TRPC4: variants seen among roughly 807,000 people sequenced by gnomAD.
TRPC4 encodes the protein transient receptor potential cation channel subfamily C member 4.
A neutral mutation model predicts 99.4 loss-of-function variants in TRPC4; 49 were observed. That is an observed-to-expected ratio of 0.49 (90% CI 0.39 to 0.63). TRPC4 has a LOEUF of 0.63. Ranked by LOEUF, TRPC4 falls within the 20% of genes least tolerant of loss-of-function variation. TRPC4 has a pLI of 0.00. For missense variants in TRPC4, 898 were observed against 1,152.9 expected, an observed-to-expected ratio of 0.78 and a Z score of 3.20; for synonymous variants, 454 against 425.9, an observed-to-expected ratio of 1.07 and a Z score of -0.81.
chr13:37,807,417 T>C (rs901862581), intron 1 of TRPC4, among the ~76,000 whole-genome samples: 5 of 152,052 alleles, frequency 3.3e-5, no homozygotes, highest in African/African-American at 1.2e-4. Context: ...AGCAAAGTAA[T>C]AATAATAAAC....
intron 3 of TRPC4, among the ~76,000 whole-genome samples, chr13:37,721,319 C>T (rs1021268150): frequency 6.6e-6 from 1 of 151,924 alleles, no homozygotes; most frequent in African/African-American, 2.4e-5. Context: ...AAACACTTGT[C>T]CAGTAAGTCA....
chr13:37,846,963 G>C (rs1958923570), intron 1 of TRPC4, among the ~76,000 whole-genome samples: 1 of 151,618 alleles, frequency 6.6e-6, no homozygotes, highest in African/African-American at 2.4e-5. Context: ...AAGACAAAAA[G>C]GTTATTACAT....
At chr13:37,864,110 C>G (rs1959578807) in intron 1 of TRPC4, among the ~76,000 whole-genome samples, 1 of 151,654 alleles carries the variant, frequency 6.6e-6, no homozygotes, top group African/African-American at 2.4e-5. Flanking sequence ...ATCCCTCATG[C>G]CACCCACAAT....
chr13:37,860,643 T>C (rs1009327207), intron 1 of TRPC4, among the ~76,000 whole-genome samples: 15 of 151,444 alleles, frequency 9.9e-5, no homozygotes, highest in African/African-American at 3.4e-4. Flanking sequence ...GAAAACATAA[T>C]CTTACCACAA....
Position 37,799,795 on chromosome 13 carries a change from A to G in TRPC4, c.-27-16435T>C, listed in dbSNP as rs1167622956. Among the ~76,000 whole-genome samples, 4 of 152,216 alleles carry G rather than the reference A, an allele frequency of 2.6e-5. No homozygotes were observed. The East Asian group carries it at 7.7e-4, about 29-fold the overall frequency. On this transcript the variant is annotated intron_variant, in intron 1 of 10. Transcript: ENST00000379705. ...ATCTGAAGACTTCAGGTGATTTTAT[A>G]CTATGTAAGGATACAATACTAAATG... is the stretch of plus-strand genomic sequence containing the variant.
At chr13:37,837,270 CT>C (rs1413434253) in intron 1 of TRPC4, among the ~76,000 whole-genome samples, 2 of 152,214 alleles carry the variant, frequency 1.3e-5, no homozygotes, top group African/African-American at 2.4e-5. Flanking sequence ...AGGGCACCAC[CT>C]AGTGGATCTG....
chr13:37,658,987 A>C (rs1952341545), intron 6 of TRPC4, among the ~76,000 whole-genome samples: 1 of 152,196 alleles, frequency 6.6e-6, no homozygotes. Context: ...TTCTCGAATA[A>C]GAGAAGAAAA....
chr13:37,684,124 A>G (rs886887388), intron 4 of TRPC4, among the ~76,000 whole-genome samples: 1 of 152,178 alleles, frequency 6.6e-6, no homozygotes, highest in African/African-American at 2.4e-5. Context: ...AATGTTTAAA[A>G]TACTTTTGGA....
chr13:37,641,557 T>C (rs1012175606), intron 8 of TRPC4, among the ~76,000 whole-genome samples: 5 of 152,210 alleles, frequency 3.3e-5, no homozygotes, highest in African/African-American at 1.2e-4. Flanking sequence ...AAATAATTAA[T>C]GCTAAATTAT....
intron 1 of TRPC4, among the ~76,000 whole-genome samples, chr13:37,790,410 G>T (rs905398024): frequency 3.3e-5 from 5 of 152,110 alleles, no homozygotes; most frequent in Non-Finnish European, 5.9e-5. Flanking sequence ...CTTATTAATA[G>T]CTATGTCAAC....
intron 1 of TRPC4, among the ~76,000 whole-genome samples, chr13:37,841,636 GA>G (rs1237300150): frequency 6.6e-6 from 1 of 151,776 alleles, no homozygotes; most frequent in Non-Finnish European, 1.5e-5. Flanking sequence ...ATAAGCACAT[GA>G]AAAGATGTTT....
At chr13:37,831,545 A>G (rs1180017485) in intron 1 of TRPC4, among the ~76,000 whole-genome samples, 3 of 152,210 alleles carry the variant, frequency 2.0e-5, no homozygotes, top group African/African-American at 7.2e-5. Flanking sequence ...CACTCAAAGG[A>G]ACTGAAATCA....
intron 1 of TRPC4, among the ~76,000 whole-genome samples, chr13:37,865,209 A>G (rs928792642): frequency 9.9e-5 from 15 of 151,796 alleles, no homozygotes; most frequent in African/African-American, 3.4e-4. Context: ...AAATAATTGG[A>G]AAATTAAAAT....
At chr13:37,792,647 T>A (rs1957150291) in intron 1 of TRPC4, among the ~76,000 whole-genome samples, 1 of 151,954 alleles carries the variant, frequency 6.6e-6, no homozygotes, top group South Asian at 2.1e-4. Flanking sequence ...AATGACTTAT[T>A]TAACAGCAAA....
At chr13:37,769,859 CA>C (rs1273277874) in intron 2 of TRPC4, among the ~76,000 whole-genome samples, 1 of 151,536 alleles carries the variant, frequency 6.6e-6, no homozygotes, top group Non-Finnish European at 1.5e-5. Flanking sequence ...AATTAATAAT[CA>C]TGACGATAAT....
Position 37,842,392 on chromosome 13 carries a change from G to A in TRPC4, c.-28+27203C>T, listed in dbSNP as rs189635771. 6.3e-5 allele frequency among the ~76,000 whole-genome samples: 9 copies of A among 141,940 alleles called. 1 individual carries two copies. In the South Asian group the frequency reaches 9.2e-4, roughly 14 times the overall value. 93.1% of individuals were successfully genotyped at this position (141,940 alleles called of 152,430 possible). A position where few individuals can be genotyped will look rare whatever the true frequency, so the allele number is the denominator to read the frequency against. ...AAAAGGAAAAGGAAAAGTATAAATC[G>A]GGGGCAGATCTTAGAATAAACACAA... On this transcript the variant is annotated intron_variant, in intron 1 of 10. Coordinates refer to ENST00000379705, the MANE Select transcript of TRPC4 (RefSeq NM_016179.4).
At chr13:37,790,429 G>C (rs1437631252) in intron 1 of TRPC4, among the ~76,000 whole-genome samples, 1 of 152,128 alleles carries the variant, frequency 6.6e-6, no homozygotes, top group Non-Finnish European at 1.5e-5. Context: ...ACATTAATTA[G>C]TTGTTTATTC....
At chr13:37,709,304 T>C (rs535789699) in intron 3 of TRPC4, among the ~76,000 whole-genome samples, 1 of 152,124 alleles carries the variant, frequency 6.6e-6, no homozygotes, top group East Asian at 1.9e-4. Flanking sequence ...AATACCTGGA[T>C]TTTAAGAAAA....
intron 3 of TRPC4, among the ~76,000 whole-genome samples, chr13:37,703,167 G>T (rs1270071732): frequency 1.3e-5 from 2 of 152,120 alleles, no homozygotes; most frequent in African/African-American, 4.8e-5. Flanking sequence ...TAGTATAGTT[G>T]CGCTTGGTTT....
Sources: gnomAD v4.1 joint callset for allele counts (sites outside exome capture counted in the v4.1 genomes callset) on GRCh38, gnomAD v4.1.1 for gene constraint, MANE v1.5 for transcripts, NCBI Gene and HGNC (gene_info 2026-07-23, HGNC 2026-07-21) for gene names.